Variants in WDR41 observed in about 807,000 individuals in gnomAD.
The protein encoded by WDR41 is WD repeat-containing protein 41.
In WDR41, 63 loss-of-function variants were observed where a neutral mutation model predicts 69.3. The ratio of observed to expected loss-of-function variants is 0.91; its 90% CI spans 0.74 to 1.12. The LOEUF is 1.12. Ranked by LOEUF, WDR41 falls within the 50% of genes most tolerant of loss-of-function variation. WDR41 has a pLI of 0.00. For synonymous variants in WDR41, 185 were observed against 192.1 expected (o/e 0.96, Z 0.31); for missense variants, 543 against 534.5 (o/e 1.02, Z -0.16).
chr5:77,486,848 T>C (rs908082006), intron 2 of WDR41, among the ~76,000 whole-genome samples: 1 of 151,914 alleles, frequency 6.6e-6, no homozygotes, highest in Non-Finnish European at 1.5e-5. Flanking sequence ...GCTAAATAGA[T>C]GGGGTTGTGT....
At chr5:77,550,122 C>T (rs1174484334) in intron 1 of WDR41, among the ~76,000 whole-genome samples, 1 of 152,102 alleles carries the variant, frequency 6.6e-6, no homozygotes, top group Non-Finnish European at 1.5e-5. Context: ...AAATCTAAGA[C>T]CTCAAACTAT....
intron 1 of WDR41, 174 bp downstream of exon 1, chr5:77,491,996 C>G: frequency 1.2e-6 from 1 of 802,782 alleles, no homozygotes; most frequent in South Asian, 1.9e-5. Flanking sequence ...TGAGGAGCTC[C>G]GGCTCCCGCG....
intron 6 of WDR41, 153 bp from the exon 7 acceptor site, chr5:77,451,506 G>T: frequency 1.6e-6 from 1 of 629,184 alleles, no homozygotes; most frequent in Non-Finnish European, 2.8e-6. Flanking sequence ...GCTTACTAAT[G>T]GAAAATGATT....
chr5:77,594,577 A>G (rs1451860394), intron 1 of WDR41, among the ~76,000 whole-genome samples: 1 of 152,146 alleles, frequency 6.6e-6, no homozygotes, highest in African/African-American at 2.4e-5. Context: ...GGGCAGCAAA[A>G]TACTGTTTCT....
intron 10 of WDR41, among the ~76,000 whole-genome samples, 190 bp from the exon 11 acceptor site, chr5:77,437,614 A>G (rs900604149): frequency 1.3e-5 from 2 of 152,148 alleles, no homozygotes; most frequent in African/African-American, 4.8e-5. Context: ...GCCACATGTT[A>G]CTCGTTACAT....
At chr5:77,437,081 G>C (rs976480105) in intron 11 of WDR41, among the ~76,000 whole-genome samples, 2 of 152,168 alleles carry the variant, frequency 1.3e-5, no homozygotes, top group African/African-American at 4.8e-5. Context: ...TGGTCATTCA[G>C]ATTACCAGAA....
chr5:77,468,721 TACG>T (rs1415896665), intron 2 of WDR41, among the ~76,000 whole-genome samples: 1 of 152,168 alleles, frequency 6.6e-6, no homozygotes. Context: ...AAAATCTTAA[TACG>T]ACATTATTAT....
intron 1 of WDR41, among the ~76,000 whole-genome samples, chr5:77,584,683 A>G (rs1273918209): frequency 2.0e-5 from 3 of 152,166 alleles, no homozygotes; most frequent in African/African-American, 7.2e-5. Context: ...CTTACAGACA[A>G]CTGATCTTCA....
Position 77,433,277 on chromosome 5 carries a change from T to C in WDR41, c.1238A>G (p.Tyr413Cys), listed in dbSNP as rs373891068. The change falls in exon 13 of 13, where the codon TAC becomes TGC. Residue 413 changes from tyrosine (Y) to cysteine (C), a missense_variant. Transcript: ENST00000296679. ...GHSSSVEMFL[Y>C]FEDHGLVTCS... ...CGTCACTAGTCCATGATCTTCAAAGTATAGAAACATCTGTAAAGAAAATTA... is the reference window on the plus strand; with the variant it reads ...CGTCACTAGTCCATGATCTTCAAAGCATAGAAACATCTGTAAAGAAAATTA... The C allele has an allele frequency of 9.3e-6, 15 of 1,610,582 alleles. No homozygotes were observed. Among genetic ancestry groups the C allele is most frequent in the Non-Finnish European group, 1.2e-5 (14 of 1,179,102 alleles).
chr5:77,527,369 A>G (rs1293916642), intron 1 of WDR41, among the ~76,000 whole-genome samples: 5 of 151,934 alleles, frequency 3.3e-5, no homozygotes. Flanking sequence ...AGTCATATTT[A>G]AGGCAAAAAA....
At chr5:77,521,085 C>T (rs142862211) in intron 1 of WDR41, among the ~76,000 whole-genome samples, 137 of 152,150 alleles carry the variant, frequency 9.0e-4, no homozygotes, top group Admixed American at 2.0e-3. Context: ...CCCTTGTCTC[C>T]TAAGGTTCCT....
intron 1 of WDR41, among the ~76,000 whole-genome samples, chr5:77,609,278 T>C (rs1744490929): frequency 6.6e-6 from 1 of 152,178 alleles, no homozygotes; most frequent in African/African-American, 2.4e-5. Context: ...TAAATGTCCC[T>C]ATCTGACAGC....
At chr5:77,550,610 G>T (rs1743278653) in intron 1 of WDR41, among the ~76,000 whole-genome samples, 1 of 152,216 alleles carries the variant, frequency 6.6e-6, no homozygotes, top group African/African-American at 2.4e-5. Flanking sequence ...GTGGAGAAAA[G>T]AGAATGCTTA....
At chr5:77,619,356 C>A (rs181020885) in intron 1 of WDR41, among the ~76,000 whole-genome samples, 2 of 152,278 alleles carry the variant, frequency 1.3e-5, no homozygotes, top group East Asian at 1.9e-4. Context: ...TCAATACACA[C>A]AAATTAAGAA....
intron 8 of WDR41, among the ~76,000 whole-genome samples, chr5:77,447,315 T>G (rs1342335167): frequency 1.3e-5 from 2 of 152,140 alleles, no homozygotes; most frequent in African/African-American, 2.4e-5. Context: ...ACACTGTTGG[T>G]GGGAGTGTAA....
At chr5:77,517,809 A>G (rs1277434427) in intron 1 of WDR41, among the ~76,000 whole-genome samples, 2 of 152,136 alleles carry the variant, frequency 1.3e-5, no homozygotes, top group African/African-American at 4.8e-5. Context: ...AGCATAAGAT[A>G]GCCAAAACGG....
chr5:77,495,399 AAG>A (rs1801920460), upstream of WDR41, among the ~76,000 whole-genome samples: 1 of 152,066 alleles, frequency 6.6e-6, no homozygotes, highest in Non-Finnish European at 1.5e-5. Context: ...CAAAGAAAAA[AAG>A]AGAAAATGCA....
At chr5:77,518,250 T>C (rs919228615) in intron 1 of WDR41, among the ~76,000 whole-genome samples, 4 of 152,172 alleles carry the variant, frequency 2.6e-5, no homozygotes, top group Non-Finnish European at 5.9e-5. Context: ...TCTCATAATG[T>C]AATATAAAAT....
At chr5:77,459,766 T>C (rs1799968368) in intron 4 of WDR41, among the ~76,000 whole-genome samples, 1 of 152,220 alleles carries the variant, frequency 6.6e-6, no homozygotes, top group Admixed American at 6.5e-5. Context: ...TACAAATGTA[T>C]ATGCATGTAT....
Sources: allele counts gnomAD v4.1 joint callset (sites outside exome capture counted in the v4.1 genomes callset), GRCh38; gene constraint gnomAD v4.1.1; transcripts MANE v1.5; gene names NCBI Gene and HGNC (gene_info 2026-07-23, HGNC 2026-07-21).